GAS7: variants seen among roughly 807,000 people sequenced by gnomAD.
The protein encoded by GAS7 is growth arrest specific 7, also known as growth arrest-specific protein 7.
Under a neutral mutation model 71.1 loss-of-function variants are expected in GAS7, and 28 were observed. The observed-to-expected ratio is 0.39, with a 90% CI of 0.29 to 0.54. The LOEUF is 0.54. GAS7 is among the 20% of genes least tolerant of loss of function. The probability of loss-of-function intolerance (pLI) is 0.62; values close to 1 mark genes in which losing one functional copy is unlikely to be tolerated. For missense variants in GAS7, 436 were observed against 627.8 expected (o/e 0.69, Z 3.27); for synonymous variants, 258 against 245.8 (o/e 1.05, Z -0.46).
chr17:9,920,461 G>T (rs1412903219), intron 11 of GAS7, among the ~76,000 whole-genome samples: 3 of 152,184 alleles, frequency 2.0e-5, no homozygotes, highest in Non-Finnish European at 2.9e-5. Flanking sequence ...AGAACATTTT[G>T]TAATTAGAAA....
intron 9 of GAS7, among the ~76,000 whole-genome samples, chr17:9,932,186 C>T (rs150537675): frequency 4.1e-5 from 6 of 146,646 alleles, no homozygotes; most frequent in Admixed American, 1.4e-4. Context: ...TCTGAAAGGT[C>T]CCCCCCGCTT....
At chr17:9,941,832 G>T (rs1434878508) in intron 7 of GAS7, among the ~76,000 whole-genome samples, 1 of 152,090 alleles carries the variant, frequency 6.6e-6, no homozygotes, top group East Asian at 1.9e-4. Flanking sequence ...TTGAAAATAG[G>T]CCCTCTGTCT....
intron 1 of GAS7, among the ~76,000 whole-genome samples, chr17:10,041,038 T>C (rs1467903363): frequency 1.3e-5 from 2 of 151,826 alleles, no homozygotes; most frequent in Admixed American, 6.6e-5. Flanking sequence ...GGTGTGCGCC[T>C]GTAATCCCAG....
chr17:10,162,910 G>T (rs181644255), intron 1 of GAS7, among the ~76,000 whole-genome samples: 1 of 152,240 alleles, frequency 6.6e-6, no homozygotes, highest in Non-Finnish European at 1.5e-5. Flanking sequence ...AAAAGGCTCT[G>T]GGGCTAAATC....
chr17:10,036,378 T>C (rs943636080), intron 1 of GAS7: 1 of 1,348,570 alleles, frequency 7.4e-7, no homozygotes, highest in Non-Finnish European at 1.1e-6. Context: ...TTTAGAAACA[T>C]GCAGAGAAAA....
chr17:10,139,009 T>C (rs2074061593), intron 1 of GAS7, among the ~76,000 whole-genome samples: 1 of 152,216 alleles, frequency 6.6e-6, no homozygotes. Context: ...TTTGTGCCTT[T>C]AAAAATACCT....
chr17:10,133,429 T>C (rs1046562487), intron 1 of GAS7, among the ~76,000 whole-genome samples: 2 of 152,068 alleles, frequency 1.3e-5, no homozygotes, highest in African/African-American at 4.8e-5. Flanking sequence ...CGCCAGATTT[T>C]ATTTTAATTA....
At chr17:9,961,687 A>C (rs1198171398) in intron 4 of GAS7, among the ~76,000 whole-genome samples, 2 of 152,212 alleles carry the variant, frequency 1.3e-5, no homozygotes, top group African/African-American at 4.8e-5. Context: ...TAGCCATCTG[A>C]CATATTTAAT....
chr17:10,104,041 T>C (rs2073734211), intron 1 of GAS7, among the ~76,000 whole-genome samples: 1 of 152,278 alleles, frequency 6.6e-6, no homozygotes, highest in South Asian at 2.1e-4. Flanking sequence ...AAATTAAAGA[T>C]AAATATATCC....
intron 10 of GAS7, 100 bp from the exon 11 acceptor site, chr17:9,925,699 T>C: frequency 7.5e-7 from 1 of 1,329,928 alleles, no homozygotes; most frequent in South Asian, 1.3e-5. Context: ...TTTCGCCCCT[T>C]GTTTGTGTGG....
intron 8 of GAS7, among the ~76,000 whole-genome samples, chr17:9,934,543 C>G (rs896214882): frequency 6.6e-6 from 1 of 152,056 alleles, no homozygotes; most frequent in Non-Finnish European, 1.5e-5. Context: ...CGAAAGGACC[C>G]AGGAAGGTGC....
At chr17:10,090,622 G>A (rs1372830259) in intron 1 of GAS7, among the ~76,000 whole-genome samples, 1 of 152,158 alleles carries the variant, frequency 6.6e-6, no homozygotes, top group East Asian at 1.9e-4. Context: ...GCCTGGCAGA[G>A]AGGGAAAAAT....
At chr17:10,183,702 C>A (rs1380164541) in intron 1 of GAS7, among the ~76,000 whole-genome samples, 1 of 152,156 alleles carries the variant, frequency 6.6e-6, no homozygotes, top group African/African-American at 2.4e-5. Context: ...ATTAGCCGGG[C>A]GTGGTGGCGG....
chr17:10,003,900 C>A (rs2071367729), intron 2 of GAS7, among the ~76,000 whole-genome samples: 1 of 152,204 alleles, frequency 6.6e-6, no homozygotes, highest in South Asian at 2.1e-4. Flanking sequence ...ACTTTGGAAT[C>A]CAACTCAGAA....
intron 1 of GAS7, among the ~76,000 whole-genome samples, chr17:10,176,942 C>A (rs899216250): frequency 1.3e-5 from 2 of 152,200 alleles, no homozygotes; most frequent in African/African-American, 4.8e-5. Context: ...CTTTGATTCA[C>A]CCATCCAGTC....
chr17:9,996,152 T>C (rs1010221649), intron 2 of GAS7, among the ~76,000 whole-genome samples: 3 of 152,222 alleles, frequency 2.0e-5, no homozygotes, highest in African/African-American at 7.2e-5. Context: ...CTATTCACAA[T>C]AGCAAAGACT....
intron 1 of GAS7, among the ~76,000 whole-genome samples, chr17:10,166,935 C>A (rs1249650614): frequency 6.6e-6 from 1 of 151,962 alleles, no homozygotes; most frequent in Admixed American, 6.6e-5. Flanking sequence ...TGTCCTTTCA[C>A]GAGCTGATGG....
chr17:9,982,270 C>G, intron 2 of GAS7, among the ~76,000 whole-genome samples: 1 of 152,160 alleles, frequency 6.6e-6, no homozygotes, highest in Non-Finnish European at 1.5e-5. Flanking sequence ...CTGAAGTTGC[C>G]AACCAGGTAT....
At chr17:10,177,995 A>G (rs995098201) in intron 1 of GAS7, among the ~76,000 whole-genome samples, 4 of 152,128 alleles carry the variant, frequency 2.6e-5, no homozygotes, top group Non-Finnish European at 5.9e-5. Context: ...CAAAGCTGAC[A>G]GGCAGGGAAG....
Sources: allele counts gnomAD v4.1 joint callset (sites outside exome capture counted in the v4.1 genomes callset), GRCh38; gene constraint gnomAD v4.1.1; transcripts MANE v1.5; gene names NCBI Gene and HGNC (gene_info 2026-07-23, HGNC 2026-07-21).